STK39: variants seen among roughly 807,000 people sequenced by gnomAD.
The protein encoded by STK39 is serine/threonine kinase 39, also known as STE20/SPS1-related proline-alanine-rich protein kinase.
In STK39, 20 loss-of-function variants were observed where a neutral mutation model predicts 77.8. The observed-to-expected ratio is 0.26, with a 90% CI of 0.18 to 0.37. STK39 has a LOEUF of 0.37. Among genes scored for constraint, STK39 ranks in the 10% least tolerant of loss-of-function variants. The pLI is 1.00. For synonymous variants in STK39, 246 were observed against 234.1 expected, an observed-to-expected ratio of 1.05 and a Z score of -0.47; for missense variants, 479 against 656.5, an observed-to-expected ratio of 0.73 and a Z score of 2.95.
intron 14 of STK39, among the ~76,000 whole-genome samples, chr2:168,055,332 C>A (rs1685496379): frequency 6.6e-6 from 1 of 152,166 alleles, no homozygotes. Flanking sequence ...ATTTAGCTTT[C>A]TTTATGAAAT....
intron 10 of STK39, among the ~76,000 whole-genome samples, chr2:168,085,115 T>G (rs999763404): frequency 6.6e-6 from 1 of 152,250 alleles, no homozygotes; most frequent in Non-Finnish European, 1.5e-5. Flanking sequence ...TACAAAATAC[T>G]GCCAAGTTAG....
chr2:167,986,488 GAA>G (rs1432971698), intron 16 of STK39, among the ~76,000 whole-genome samples: 10 of 152,084 alleles, frequency 6.6e-5, no homozygotes, highest in Admixed American at 2.6e-4. Flanking sequence ...ACGTGCATAT[GAA>G]ACATAAAAAA....
At chr2:168,129,459 G>A in intron 10 of STK39, 82 bp downstream of exon 10, 1 of 1,496,374 alleles carries the variant, frequency 6.7e-7, no homozygotes, top group Non-Finnish European at 9.3e-7. Flanking sequence ...TGCATATGTG[G>A]AAATCTTTTT....
At chr2:168,172,578 G>A (rs558552534) in intron 2 of STK39, among the ~76,000 whole-genome samples, 1 of 152,230 alleles carries the variant, frequency 6.6e-6, no homozygotes, top group East Asian at 1.9e-4. Flanking sequence ...AAAGATATAA[G>A]AATTAGGAAA....
intron 1 of STK39, among the ~76,000 whole-genome samples, chr2:168,183,577 T>C (rs1354318049): frequency 6.6e-6 from 1 of 152,178 alleles, no homozygotes; most frequent in Admixed American, 6.5e-5. Flanking sequence ...TGTTTTGGCC[T>C]TGCTAGGAAA....
intron 5 of STK39, among the ~76,000 whole-genome samples, chr2:168,148,892 G>A (rs1217499532): frequency 6.6e-6 from 1 of 152,136 alleles, no homozygotes; most frequent in African/African-American, 2.4e-5. Context: ...AATTGAACAG[G>A]CCTGAATGTT....
intron 12 of STK39, among the ~76,000 whole-genome samples, chr2:168,067,127 C>T (rs954561299): frequency 1.3e-5 from 2 of 152,116 alleles, no homozygotes; most frequent in South Asian, 2.1e-4. Flanking sequence ...GAGGCTGAGG[C>T]GCAAGAATCA....
At position 167,956,692 on chromosome 2, in the gene STK39, A is replaced by ACACACACACACACACACACACACACC. The variant is rs1691782125; in HGVS notation, c.1564-1123_1564-1122insGGTGTGTGTGTGTGTGTGTGTGTGTG. On this transcript the variant is annotated intron_variant, in intron 17 of 17. Coordinates refer to ENST00000355999, the MANE Select transcript of STK39 (RefSeq NM_013233.3). ...GACACACACACACACACACACACAC[A>ACACACACACACACACACACACACACC]CACACTCTCTCTCTCTCTCTCTCTC... 4.4e-5 allele frequency among the ~76,000 whole-genome samples: 2 copies of ACACACACACACACACACACACACACC among 45,768 alleles called. 1 individual carries two copies. Among genetic ancestry groups the ACACACACACACACACACACACACACC allele is most frequent in the Non-Finnish European group, 9.2e-5 (2 of 21,802 alleles). 30.0% of individuals were successfully genotyped at this position (45,768 alleles called of 152,430 possible). A position where few individuals can be genotyped will look rare whatever the true frequency, so the allele number is the denominator to read the frequency against.
chr2:168,057,567 C>T (rs1327636437), intron 14 of STK39, among the ~76,000 whole-genome samples: 1 of 152,104 alleles, frequency 6.6e-6, no homozygotes, highest in African/African-American at 2.4e-5. Flanking sequence ...CACGCATGCA[C>T]GCGCACACAC....
chr2:168,038,489 G>A (rs551846843), intron 14 of STK39, among the ~76,000 whole-genome samples: 58 of 147,166 alleles, frequency 3.9e-4, no homozygotes, highest in African/African-American at 1.3e-3. Flanking sequence ...GGAAAAAAAC[G>A]AAGAAAATCT....
intron 16 of STK39, among the ~76,000 whole-genome samples, chr2:167,968,988 G>A (rs1254432072): frequency 6.6e-6 from 1 of 152,112 alleles, no homozygotes; most frequent in Non-Finnish European, 1.5e-5. Flanking sequence ...CGTGAGCCAG[G>A]GTGCCGGGGT....
At chr2:168,151,194 C>T (rs1688272105) in intron 5 of STK39, among the ~76,000 whole-genome samples, 1 of 152,184 alleles carries the variant, frequency 6.6e-6, no homozygotes. Context: ...GTAGTCATAA[C>T]CTTCTTTGAA....
chr2:168,143,797 C>G (rs539416921), intron 5 of STK39, among the ~76,000 whole-genome samples: 1 of 152,286 alleles, frequency 6.6e-6, no homozygotes, highest in East Asian at 1.9e-4. Flanking sequence ...ACCTATATCA[C>G]TACTCTCAGA....
intron 10 of STK39, among the ~76,000 whole-genome samples, chr2:168,098,797 C>T (rs1010898624): frequency 6.6e-6 from 1 of 152,244 alleles, no homozygotes; most frequent in Non-Finnish European, 1.5e-5. Flanking sequence ...ACACACTCTT[C>T]CAACAATGTA....
At position 168,247,061 on chromosome 2, in the gene STK39, T is replaced by TAAAAAA. The variant is rs755613797; in HGVS notation, c.208+161_208+166dup. On this transcript the variant is annotated intron_variant, in intron 1 of 17. Transcript: ENST00000355999. ...TAGAACGAACAAATACATTAAAAATTAAAAAAAAAAAAAAAAAAAAAAAAA... is the reference window on the plus strand; with the variant it reads ...TAGAACGAACAAATACATTAAAAATTAAAAAAAAAAAAAAAAAAAAAAAAAAAAAAA... 2.8e-3 allele frequency among the ~76,000 whole-genome samples: 248 copies of TAAAAAA among 89,200 alleles called. 5 individuals are homozygous for TAAAAAA. Among genetic ancestry groups the TAAAAAA allele is most frequent in the African/African-American group, 0.011 (228 of 21,658 alleles). 58.5% of individuals were successfully genotyped at this position (89,200 alleles called of 152,430 possible).
At chr2:168,027,265 T>C (rs1478022538) in intron 14 of STK39, among the ~76,000 whole-genome samples, 1 of 152,170 alleles carries the variant, frequency 6.6e-6, no homozygotes, top group East Asian at 1.9e-4. Context: ...GCTCCAAGGC[T>C]GTGAGAATAG....
At chr2:168,209,507 T>C (rs1264548661) in intron 1 of STK39, among the ~76,000 whole-genome samples, 1 of 151,366 alleles carries the variant, frequency 6.6e-6, no homozygotes, top group Non-Finnish European at 1.5e-5. Context: ...AGAAACCCCA[T>C]CTCTACTAAA....
chr2:168,205,278 C>T (rs1367296485), intron 1 of STK39, among the ~76,000 whole-genome samples: 3 of 152,092 alleles, frequency 2.0e-5, no homozygotes, highest in African/African-American at 7.2e-5. Flanking sequence ...ACATTATGTA[C>T]AACTTAATTG....
intron 1 of STK39, among the ~76,000 whole-genome samples, chr2:168,234,330 T>C (rs1690541268): frequency 6.6e-6 from 1 of 152,240 alleles, no homozygotes; most frequent in Non-Finnish European, 1.5e-5. Context: ...ATGTGGCCAG[T>C]GTAACCGAAG....
Sources: allele counts gnomAD v4.1 joint callset (sites outside exome capture counted in the v4.1 genomes callset), GRCh38; gene constraint gnomAD v4.1.1; transcripts MANE v1.5; gene names NCBI Gene and HGNC (gene_info 2026-07-23, HGNC 2026-07-21).